Variants in MSRA observed in about 807,000 individuals in gnomAD.
The protein encoded by MSRA is mitochondrial peptide methionine sulfoxide reductase.
MSRA carries 54 observed loss-of-function variants against 31.3 expected under a neutral mutation model. The ratio of observed to expected loss-of-function variants is 1.73; its 90% CI spans 1.39 to 2.17. MSRA has a LOEUF of 2.17. Among genes scored for constraint, MSRA ranks in the 30% most tolerant of loss-of-function variants. The pLI, the probability that MSRA is intolerant of heterozygous loss-of-function variation, is 0.00. For missense variants in MSRA, 507 were observed against 300.9 expected (o/e 1.69, Z -5.07); for synonymous variants, 169 against 116.5 (o/e 1.45, Z -2.90).
At chr8:10,081,559 A>G (rs1402699376) in intron 1 of MSRA, among the ~76,000 whole-genome samples, 2 of 152,174 alleles carry the variant, frequency 1.3e-5, no homozygotes, top group East Asian at 1.9e-4. Flanking sequence ...GCGTGATCTC[A>G]GTTCACTGCA....
intron 1 of MSRA, among the ~76,000 whole-genome samples, chr8:10,082,488 C>G (rs912409399): frequency 6.6e-6 from 1 of 152,150 alleles, no homozygotes; most frequent in Non-Finnish European, 1.5e-5. Flanking sequence ...CATCTTTTCT[C>G]CCACAAAACA....
intron 5 of MSRA, among the ~76,000 whole-genome samples, chr8:10,360,146 C>T (rs1192691527): frequency 6.6e-6 from 1 of 152,092 alleles, no homozygotes; most frequent in Non-Finnish European, 1.5e-5. Flanking sequence ...CTGGAGTGAG[C>T]CAAGCTGCTT....
At chr8:10,428,053 G>C in intron 5 of MSRA, 95 bp from the exon 6 acceptor site, 1 of 1,381,940 alleles carries the variant, frequency 7.2e-7, no homozygotes, top group Non-Finnish European at 9.7e-7. Flanking sequence ...CAAGCCACGC[G>C]TCTGCTCACT....
intron 1 of MSRA, among the ~76,000 whole-genome samples, chr8:10,130,084 T>A (rs755862327): frequency 3.3e-5 from 5 of 152,182 alleles, no homozygotes; most frequent in Admixed American, 6.5e-5. Context: ...GCATTTCTGG[T>A]CATCTTAATG....
chr8:10,242,233 T>G (rs1411811152), intron 2 of MSRA, among the ~76,000 whole-genome samples: 1 of 150,144 alleles, frequency 6.7e-6, no homozygotes, highest in Admixed American at 6.6e-5. Context: ...ATTGCGCCAC[T>G]GAACTCCAGC....
At chr8:10,287,730 T>G (rs1024237674) in intron 3 of MSRA, among the ~76,000 whole-genome samples, 2 of 152,146 alleles carry the variant, frequency 1.3e-5, no homozygotes, top group Non-Finnish European at 2.9e-5. Context: ...CATTTTTGTT[T>G]CAGACCTGGA....
chr8:10,352,194 A>G (rs1316388667), intron 5 of MSRA, among the ~76,000 whole-genome samples: 2 of 152,180 alleles, frequency 1.3e-5, no homozygotes. Context: ...GCTGGACGAG[A>G]AGGAGATGTT....
intron 2 of MSRA, among the ~76,000 whole-genome samples, chr8:10,233,928 TAGAA>T (rs1811712226): frequency 1.3e-5 from 2 of 152,114 alleles, no homozygotes; most frequent in Admixed American, 6.5e-5. Context: ...TTAATAACTG[TAGAA>T]AGAAAAGACA....
chr8:10,151,015 G>C (rs1465793348), intron 1 of MSRA, among the ~76,000 whole-genome samples: 1 of 152,080 alleles, frequency 6.6e-6, no homozygotes, highest in Non-Finnish European at 1.5e-5. Flanking sequence ...CAGGTGGGCA[G>C]TGATGGGGGG....
intron 2 of MSRA, among the ~76,000 whole-genome samples, chr8:10,237,506 A>C (rs1812045587): frequency 6.6e-6 from 1 of 152,272 alleles, no homozygotes; most frequent in South Asian, 2.1e-4. Context: ...TAAAAATTTT[A>C]AAGGATATGT....
At chr8:10,300,225 G>A (rs1800769287) in intron 3 of MSRA, among the ~76,000 whole-genome samples, 1 of 151,954 alleles carries the variant, frequency 6.6e-6, no homozygotes, top group Non-Finnish European at 1.5e-5. Flanking sequence ...TTATGTGGCA[G>A]TAGTATAGGT....
intron 5 of MSRA, among the ~76,000 whole-genome samples, chr8:10,324,232 TTTTAA>T (rs1401247587): frequency 1.3e-5 from 2 of 152,216 alleles, no homozygotes; most frequent in Non-Finnish European, 2.9e-5. Context: ...GAACTGAATC[TTTTAA>T]TTAATTTACA....
intron 1 of MSRA, among the ~76,000 whole-genome samples, chr8:10,154,666 C>G (rs10100739): frequency 6.6e-6 from 1 of 152,040 alleles, no homozygotes; most frequent in Non-Finnish European, 1.5e-5. Flanking sequence ...CATGAGCCAC[C>G]GCGTCCAGCC....
intron 5 of MSRA, among the ~76,000 whole-genome samples, chr8:10,323,082 T>TC (rs1249374856): frequency 1.2e-5 from 1 of 86,246 alleles, no homozygotes; most frequent in Non-Finnish European, 2.1e-5. Flanking sequence ...AGAGTGAGAC[T>TC]CCATCTCAAA....
At chr8:10,402,778 G>A (rs1036009724) in intron 5 of MSRA, among the ~76,000 whole-genome samples, 2 of 152,200 alleles carry the variant, frequency 1.3e-5, no homozygotes, top group Non-Finnish European at 2.9e-5. Flanking sequence ...CATAGTATTT[G>A]CAGTTATTTG....
intron 2 of MSRA, among the ~76,000 whole-genome samples, chr8:10,240,555 C>T (rs995353143): frequency 6.6e-6 from 1 of 152,170 alleles, no homozygotes; most frequent in Non-Finnish European, 1.5e-5. Flanking sequence ...CTCACTCCCA[C>T]ATGTCCACCT....
intron 5 of MSRA, among the ~76,000 whole-genome samples, chr8:10,352,994 G>C (rs1163746338): frequency 6.6e-6 from 1 of 152,128 alleles, no homozygotes; most frequent in Non-Finnish European, 1.5e-5. Context: ...AACTGTTTTT[G>C]AGGTGTGTCT....
intron 3 of MSRA, among the ~76,000 whole-genome samples, chr8:10,270,999 A>C (rs1799005710): frequency 6.6e-6 from 1 of 151,864 alleles, no homozygotes; most frequent in African/African-American, 2.4e-5. Flanking sequence ...TCAAACCCTC[A>C]GCTGCCTGGT....
chr8:10,171,621 C>G lies in MSRA; in HGVS notation c.143-36212C>G, dbSNP rs909945747. Among the ~76,000 whole-genome samples, 17 of 152,300 alleles carry G rather than the reference C, an allele frequency of 1.1e-4. No individual in the cohort carries two copies. The East Asian group carries it at 2.9e-3, about 26-fold the overall frequency. ...GTTGCTGCACATTTGATAGCACAGGCAACCACAGCAAACGACTGATACGGA... is the reference window on the plus strand; with the variant it reads ...GTTGCTGCACATTTGATAGCACAGGGAACCACAGCAAACGACTGATACGGA... On this transcript the variant is annotated intron_variant, in intron 1 of 5. Transcript: ENST00000317173.
Sources: allele counts gnomAD v4.1 joint callset (sites outside exome capture counted in the v4.1 genomes callset), GRCh38; gene constraint gnomAD v4.1.1; transcripts MANE v1.5; gene names NCBI Gene and HGNC (gene_info 2026-07-23, HGNC 2026-07-21).